FAM53B: variants seen among roughly 807,000 people sequenced by gnomAD.
The protein encoded by FAM53B is protein FAM53B.
FAM53B carries 12 observed loss-of-function variants against 32.7 expected under a neutral mutation model. The ratio of observed to expected loss-of-function variants is 0.37; its 90% CI spans 0.24 to 0.59. The LOEUF is 0.59. Ranked by LOEUF, FAM53B falls within the 20% of genes least tolerant of loss-of-function variation. The probability of loss-of-function intolerance (pLI) is 0.72; values close to 1 mark genes in which losing one functional copy is unlikely to be tolerated. For missense variants in FAM53B, 477 were observed against 577.7 expected, an observed-to-expected ratio of 0.83 and a Z score of 1.79; for synonymous variants, 234 against 228.7, an observed-to-expected ratio of 1.02 and a Z score of -0.21.
At chr10:124,661,724 G>A (rs892356277) in intron 4 of FAM53B, among the ~76,000 whole-genome samples, 3 of 152,198 alleles carry the variant, frequency 2.0e-5, no homozygotes, top group Admixed American at 2.0e-4. Flanking sequence ...CTCTACCAAG[G>A]CCACCATTAC....
At position 124,623,231 on chromosome 10, in the gene FAM53B, C is replaced by T; in HGVS notation, c.*11G>A. 4 of 1,577,490 alleles carry T rather than the reference C, an allele frequency of 2.5e-6. No individual in the cohort carries two copies. The highest frequency in any genetic ancestry group is 3.4e-6 in the Non-Finnish European group (4 of 1,160,062). On this transcript the variant is annotated 3_prime_UTR_variant, in exon 5 of 5. Transcript: ENST00000337318. The stretch of plus-strand genomic sequence containing the variant: ...CCAGCACACCCCAGCCCTGCCTGGG[C>T]CCACACCCCCTCAGTTCTTCTCTAT...
intron 1 of FAM53B, chr10:124,742,670 C>T (rs1950206138): frequency 6.6e-6 from 1 of 152,306 alleles, no homozygotes; most frequent in Non-Finnish European, 1.5e-5. Flanking sequence ...GGAAACAGTC[C>T]CTTTTCTCCA....
intron 1 of FAM53B, chr10:124,713,815 T>G (rs1950021091): frequency 6.6e-6 from 1 of 152,184 alleles, no homozygotes; most frequent in African/African-American, 2.4e-5. Context: ...AACCTAAACA[T>G]GAGAACTCAG....
At chr10:124,708,179 C>T (rs924514296) in intron 1 of FAM53B, among the ~76,000 whole-genome samples, 1 of 152,210 alleles carries the variant, frequency 6.6e-6, no homozygotes, top group Non-Finnish European at 1.5e-5. Flanking sequence ...CTGCTCAACA[C>T]AGGAAAATGT....
chr10:124,731,577 C>A (rs971266837), intron 1 of FAM53B, among the ~76,000 whole-genome samples: 1 of 145,204 alleles, frequency 6.9e-6, no homozygotes, highest in African/African-American at 2.5e-5. Flanking sequence ...CAAAATCAAC[C>A]TTTTTTTTTT....
chr10:124,630,773 C>T (rs1429541149), intron 4 of FAM53B, among the ~76,000 whole-genome samples: 4 of 152,210 alleles, frequency 2.6e-5, no homozygotes, highest in Admixed American at 6.5e-5. Flanking sequence ...GGAAAGTTCC[C>T]ACCTTCCTGT....
At chr10:124,703,725 C>T (rs1184686075) in intron 2 of FAM53B, 3 of 152,382 alleles carry the variant, frequency 2.0e-5, no homozygotes, top group Non-Finnish European at 2.9e-5. Flanking sequence ...GGTTCTGGGC[C>T]CGGACAGGCC....
At chr10:124,648,233 C>T (rs1331963217) in intron 4 of FAM53B, among the ~76,000 whole-genome samples, 2 of 152,212 alleles carry the variant, frequency 1.3e-5, no homozygotes, top group Non-Finnish European at 2.9e-5. Context: ...TTGGAAAACC[C>T]CACGCTCAAG....
At chr10:124,634,615 A>G (rs957617212) in intron 4 of FAM53B, among the ~76,000 whole-genome samples, 4 of 152,242 alleles carry the variant, frequency 2.6e-5, no homozygotes, top group African/African-American at 7.2e-5. Context: ...GTAAGTTTCC[A>G]GAGGCCTCCC....
chr10:124,721,480 A>G (rs1177260693), intron 1 of FAM53B, among the ~76,000 whole-genome samples: 2 of 152,248 alleles, frequency 1.3e-5, no homozygotes, highest in East Asian at 1.9e-4. Context: ...CTTGTCCTGC[A>G]GGGTATGGCC....
intron 4 of FAM53B, among the ~76,000 whole-genome samples, chr10:124,645,619 C>A (rs1949507504): frequency 6.6e-6 from 1 of 152,240 alleles, no homozygotes; most frequent in Admixed American, 6.5e-5. Context: ...GGCAGTGGGT[C>A]TCAGGCGCCT....
At chr10:124,647,747 AAG>A (rs1220590522) in intron 4 of FAM53B, among the ~76,000 whole-genome samples, 2 of 152,146 alleles carry the variant, frequency 1.3e-5, no homozygotes, top group African/African-American at 4.8e-5. Context: ...CACCTCACTG[AAG>A]TGTTGAGGGC....
chr10:124,721,162 G>A (rs1326919214), intron 1 of FAM53B, among the ~76,000 whole-genome samples: 3 of 152,166 alleles, frequency 2.0e-5, no homozygotes, highest in South Asian at 2.1e-4. Flanking sequence ...GGATCATGCC[G>A]CTGCAGTCCA....
chr10:124,735,907 G>A (rs1302964036), intron 1 of FAM53B, among the ~76,000 whole-genome samples: 1 of 152,254 alleles, frequency 6.6e-6, no homozygotes, highest in Non-Finnish European at 1.5e-5. Context: ...CCAGGCTTCT[G>A]ATTCCAAAGC....
chr10:124,698,999 G>A (rs1949894460), intron 2 of FAM53B, among the ~76,000 whole-genome samples: 1 of 152,084 alleles, frequency 6.6e-6, no homozygotes, highest in South Asian at 2.1e-4. Context: ...CCATCTCAGG[G>A]GCTTTGTGCC....
At chr10:124,684,686 T>G (rs1310819531) in intron 3 of FAM53B, among the ~76,000 whole-genome samples, 1 of 152,110 alleles carries the variant, frequency 6.6e-6, no homozygotes, top group East Asian at 1.9e-4. Context: ...GCCCAGCTAA[T>G]TTTTGTATTT....
At chr10:124,671,223 A>AAGAG (rs1157790932) in intron 4 of FAM53B, 1 of 451,794 alleles carries the variant, frequency 2.2e-6, no homozygotes. Context: ...ACATTCACAG[A>AAGAG]ACCAATTTCA....
rs1949293223 is a variant in FAM53B, at chr10:124,619,677, CTTCTTT to C, written c.*3559_*3564del. ...CATTAAAAAAAAAAAAAATCTTTCT[CTTCTTT>C]TCTCTTTAAAGAGGCATGACAGAGG... On this transcript the variant is annotated 3_prime_UTR_variant, in exon 5 of 5. Coordinates refer to ENST00000337318, the MANE Select transcript of FAM53B (RefSeq NM_014661.4). 6.6e-6 allele frequency: 1 copy of C among 152,242 alleles called. No homozygotes were observed. The highest frequency in any genetic ancestry group is 1.9e-4 in the East Asian group (1 of 5,194). 9.4% of individuals were successfully genotyped at this position (152,242 alleles called of 1,614,324 possible). A position where few individuals can be genotyped will look rare whatever the true frequency, so the allele number is the denominator to read the frequency against.
intron 2 of FAM53B, among the ~76,000 whole-genome samples, chr10:124,700,779 C>T (rs1021624705): frequency 1.3e-5 from 2 of 152,212 alleles, no homozygotes; most frequent in African/African-American, 4.8e-5. Flanking sequence ...ACATTATCCA[C>T]TAAAGAAATC....
Sources: allele counts gnomAD v4.1 joint callset (sites outside exome capture counted in the v4.1 genomes callset), GRCh38; gene constraint gnomAD v4.1.1; transcripts MANE v1.5; gene names NCBI Gene and HGNC (gene_info 2026-07-23, HGNC 2026-07-21).